Variants in PPIL4 observed in about 807,000 individuals in gnomAD.
The protein encoded by PPIL4 is peptidylprolyl isomerase like 4.
Under a neutral mutation model 69.1 loss-of-function variants are expected in PPIL4, and 50 were observed. That is an observed-to-expected ratio of 0.72 (90% CI 0.58 to 0.92). The LOEUF is 0.92. PPIL4 is among the 40% of genes least tolerant of loss of function. PPIL4 has a pLI of 0.00. For synonymous variants in PPIL4, 193 were observed against 191.6 expected (o/e 1.01, Z -0.06); for missense variants, 480 against 587.9 (o/e 0.82, Z 1.90).
At chr6:149,536,456 A>T (rs1171260272) in intron 4 of PPIL4, among the ~76,000 whole-genome samples, 3 of 152,232 alleles carry the variant, frequency 2.0e-5, no homozygotes, top group Non-Finnish European at 4.4e-5. Flanking sequence ...AATGCAAAGG[A>T]AAAGTTCTTA....
chr6:149,541,778 G>A (rs1440072939), intron 1 of PPIL4, among the ~76,000 whole-genome samples, 192 bp from the exon 2 acceptor site: 1 of 152,198 alleles, frequency 6.6e-6, no homozygotes, highest in Non-Finnish European at 1.5e-5. Flanking sequence ...GGGAGGCGGA[G>A]GTGAGTGGAT....
chr6:149,538,880 TG>T (rs1024124095), intron 4 of PPIL4, among the ~76,000 whole-genome samples: 7 of 152,106 alleles, frequency 4.6e-5, no homozygotes, highest in Non-Finnish European at 1.0e-4. Flanking sequence ...ACAGTCTTGC[TG>T]CATCGCCCAG....
intron 11 of PPIL4, among the ~76,000 whole-genome samples, chr6:149,513,260 CTA>C (rs1776883628): frequency 6.8e-6 from 1 of 146,758 alleles, no homozygotes; most frequent in Admixed American, 6.8e-5. Flanking sequence ...GTGGCGCAAC[CTA>C]TAACCCCAGC....
intron 12 of PPIL4, among the ~76,000 whole-genome samples, chr6:149,511,196 T>C (rs1263821740): frequency 5.3e-5 from 8 of 151,476 alleles, no homozygotes; most frequent in Non-Finnish European, 8.8e-5. Flanking sequence ...AATGTTTCTA[T>C]GTGGTAAAAC....
chr6:149,509,281 T>C (rs896212900), intron 12 of PPIL4, among the ~76,000 whole-genome samples: 57 of 152,254 alleles, frequency 3.7e-4, no homozygotes, highest in African/African-American at 1.2e-3. Flanking sequence ...GAGAAGGATA[T>C]TTGCTACTGT....
At chr6:149,538,769 C>G (rs2115039842) in intron 4 of PPIL4, among the ~76,000 whole-genome samples, 1 of 152,006 alleles carries the variant, frequency 6.6e-6, no homozygotes, top group South Asian at 2.1e-4. Flanking sequence ...GAAGATGGGA[C>G]TGAATGCTGC....
chr6:149,508,991 AAAT>A (rs772396141), intron 12 of PPIL4, among the ~76,000 whole-genome samples: 2 of 152,172 alleles, frequency 1.3e-5, no homozygotes, highest in African/African-American at 2.4e-5. Flanking sequence ...ATAAAAAACA[AAAT>A]AATAAAAAAT....
At chr6:149,535,836 T>C (rs1391543758) in intron 4 of PPIL4, 98 bp from the exon 5 acceptor site, 2 of 809,722 alleles carry the variant, frequency 2.5e-6, no homozygotes, top group Non-Finnish European at 3.8e-6. Context: ...AAGTTAAGAG[T>C]CCACATTTAC....
At chr6:149,513,498 ATC>A (rs1776893838) in intron 11 of PPIL4, among the ~76,000 whole-genome samples, 4 of 148,214 alleles carry the variant, frequency 2.7e-5, no homozygotes, top group South Asian at 4.2e-4. Flanking sequence ...ACAACAAAAT[ATC>A]TAGTAATAAA....
At chr6:149,533,645 TTTATTC>T in intron 6 of PPIL4, 71 bp from the exon 7 acceptor site, 1 of 860,166 alleles carries the variant, frequency 1.2e-6, no homozygotes, top group South Asian at 1.6e-5. Context: ...GAAGACATAC[TTTATTC>T]TTAGTTATAT....
chr6:149,524,510 C>A (rs1294032899), intron 9 of PPIL4, among the ~76,000 whole-genome samples: 1 of 152,150 alleles, frequency 6.6e-6, no homozygotes, highest in Non-Finnish European at 1.5e-5. Context: ...AATCTTAACA[C>A]CCAGTTCAGT....
At chr6:149,525,237 A>T (rs1777089687) in intron 8 of PPIL4, 28 bp from the exon 9 acceptor site, 14 of 268,150 alleles carry the variant, frequency 5.2e-5, no homozygotes, top group Non-Finnish European at 7.9e-5. Context: ...AAAGTGACTT[A>T]AAAAAAAAAA....
chr6:149,536,719 G>T (rs1478537419), intron 4 of PPIL4, among the ~76,000 whole-genome samples: 1 of 146,018 alleles, frequency 6.8e-6, no homozygotes, highest in African/African-American at 2.5e-5. Context: ...GAGGCCAGGC[G>T]CAGTGAATTA....
At chr6:149,529,133 A>C (rs909534709) in intron 7 of PPIL4, among the ~76,000 whole-genome samples, 1 of 152,050 alleles carries the variant, frequency 6.6e-6, no homozygotes, top group Admixed American at 6.6e-5. Context: ...CAAGAGGCTG[A>C]GGCAGGAAGA....
At chr6:149,512,954 G>C (rs997623480) in intron 11 of PPIL4, among the ~76,000 whole-genome samples, 18 of 151,748 alleles carry the variant, frequency 1.2e-4, no homozygotes, top group Admixed American at 1.2e-3. Flanking sequence ...ATGTTGGCCA[G>C]GCTGGTCTCA....
intron 4 of PPIL4, among the ~76,000 whole-genome samples, chr6:149,538,120 G>C (rs1238721153): frequency 6.6e-6 from 1 of 152,042 alleles, no homozygotes; most frequent in Non-Finnish European, 1.5e-5. Flanking sequence ...CAAAAAATCA[G>C]CCGGGCGTAG....
At chr6:149,526,515 T>C in intron 8 of PPIL4, 137 bp downstream of exon 8, 1 of 702,128 alleles carries the variant, frequency 1.4e-6, no homozygotes, top group Non-Finnish European at 2.4e-6. Flanking sequence ...TTCCCTACTG[T>C]CCAAAGACTC....
chr6:149,508,144 G>A (rs1351916735), intron 12 of PPIL4, among the ~76,000 whole-genome samples: 1 of 150,844 alleles, frequency 6.6e-6, no homozygotes, highest in East Asian at 2.0e-4. Flanking sequence ...CAAGAGATCT[G>A]CACAGGTTGG....
chr6:149,541,349 A>G lies in PPIL4; in HGVS notation c.203+18T>C, dbSNP rs1339763561. ...AATAAATAAATAAATAAATAAATAA[A>G]TAAATAAAACAACTTACCCAAAGAT... On this transcript the variant is annotated intron_variant, in intron 3 of 12. Transcript: ENST00000253329. 1 of 1,114,490 alleles carries G rather than the reference A, an allele frequency of 9.0e-7. No homozygotes were observed. The highest frequency in any genetic ancestry group is 1.2e-6 in the Non-Finnish European group (1 of 830,936). The allele number at this position is 1,114,490 out of a possible 1,614,324, so 69.0% of individuals were successfully genotyped here.
Sources: gnomAD v4.1 joint callset for allele counts (sites outside exome capture counted in the v4.1 genomes callset) on GRCh38, gnomAD v4.1.1 for gene constraint, MANE v1.5 for transcripts, NCBI Gene and HGNC (gene_info 2026-07-23, HGNC 2026-07-21) for gene names.